CSMD1: variants seen among roughly 807,000 people sequenced by gnomAD.
CSMD1 encodes CUB and sushi domain-containing protein 1.
In CSMD1, 213 loss-of-function variants were observed where a neutral mutation model predicts 417.5. The observed-to-expected ratio is 0.51, with a 90% confidence interval of 0.46 to 0.57. The LOEUF (loss-of-function observed/expected upper bound fraction) is 0.57. Ranked by LOEUF, CSMD1 falls within the 20% of genes least tolerant of loss-of-function variation. The pLI, the probability that CSMD1 is intolerant of heterozygous loss-of-function variation, is 0.00. For missense variants in CSMD1, 6,923 were observed against 4,529.7 expected (o/e 1.53, Z -15.17); for synonymous variants, 2,862 against 1,736.8 (o/e 1.65, Z -16.11).
chr8:4,800,585 G>C (rs1289448561), intron 1 of CSMD1, among the ~76,000 whole-genome samples: 1 of 152,238 alleles, frequency 6.6e-6, no homozygotes, highest in African/African-American at 2.4e-5. Context: ...CAGAGGCAGA[G>C]CAGGGAAGGA....
At chr8:4,452,582 T>A (rs1799214215) in intron 2 of CSMD1, among the ~76,000 whole-genome samples, 1 of 152,144 alleles carries the variant, frequency 6.6e-6, no homozygotes, top group Non-Finnish European at 1.5e-5. Context: ...ATATTAAACA[T>A]CAGAAAACCG....
chr8:3,062,899 C>A (rs942908061), intron 49 of CSMD1, among the ~76,000 whole-genome samples: 1 of 152,072 alleles, frequency 6.6e-6, no homozygotes, highest in African/African-American at 2.4e-5. Flanking sequence ...TCAAAAGAGA[C>A]AGGTACAAAC....
At chr8:3,103,334 A>T (rs1815893834) in intron 46 of CSMD1, among the ~76,000 whole-genome samples, 1 of 152,120 alleles carries the variant, frequency 6.6e-6, no homozygotes, top group Non-Finnish European at 1.5e-5. Context: ...CCCCACCTTC[A>T]GTTTGGTCCA....
chr8:4,053,533 T>C (rs1798541482), intron 3 of CSMD1, among the ~76,000 whole-genome samples: 1 of 152,164 alleles, frequency 6.6e-6, no homozygotes. Flanking sequence ...ACTTTTGTTA[T>C]CTCAAGTGGT....
At chr8:4,111,075 G>A (rs1320473331) in intron 3 of CSMD1, among the ~76,000 whole-genome samples, 1 of 152,122 alleles carries the variant, frequency 6.6e-6, no homozygotes, top group Non-Finnish European at 1.5e-5. Context: ...GAAAAATCTG[G>A]TAGAAATCTA....
chr8:3,039,341 T>C (rs1416626385), intron 50 of CSMD1, among the ~76,000 whole-genome samples: 268 of 149,440 alleles, frequency 1.8e-3, no homozygotes, highest in African/African-American at 6.4e-3. Context: ...CTTTCTTCCT[T>C]TCCGCCTTCC....
intron 1 of CSMD1, among the ~76,000 whole-genome samples, chr8:4,802,627 T>G (rs182410895): frequency 6.6e-6 from 1 of 152,344 alleles, no homozygotes; most frequent in East Asian, 1.9e-4. Flanking sequence ...GTATCCTGTC[T>G]GTTTCTAGGC....
rs115529347 is a variant in CSMD1, at chr8:4,599,576, G to A, written c.302+37766C>T. On this transcript the variant is annotated intron_variant, in intron 2 of 69. Coordinates refer to ENST00000635120, the MANE Select transcript of CSMD1 (RefSeq NM_033225.6). ...AAAAAAAATCTCATTGATAAGTTAC[G>A]TCAACGAATATAAATGTATACTGTA... 5.6e-3 allele frequency among the ~76,000 whole-genome samples: 850 copies of A among 151,572 alleles called. 6 individuals carry two copies. Among genetic ancestry groups the A allele is most frequent in the African/African-American group, 0.02 (814 of 41,318 alleles).
At chr8:3,601,402 T>A (rs759256424) in intron 8 of CSMD1, among the ~76,000 whole-genome samples, 3 of 152,208 alleles carry the variant, frequency 2.0e-5, no homozygotes, top group Non-Finnish European at 2.9e-5. Flanking sequence ...TATCAGACGA[T>A]GTTTATGCTA....
intron 1 of CSMD1, among the ~76,000 whole-genome samples, chr8:4,965,394 G>A (rs1295620748): frequency 6.6e-6 from 1 of 152,164 alleles, no homozygotes; most frequent in Non-Finnish European, 1.5e-5. Flanking sequence ...TGAATATTTT[G>A]ATTGACCACT....
chr8:4,453,922 C>G (rs553736180), intron 2 of CSMD1, among the ~76,000 whole-genome samples: 30 of 145,728 alleles, frequency 2.1e-4, no homozygotes, highest in African/African-American at 7.4e-4. Flanking sequence ...CCCAGGTTCA[C>G]AGCATTCTCC....
chr8:3,635,589 T>C (rs868003020), intron 7 of CSMD1, among the ~76,000 whole-genome samples: 14 of 150,566 alleles, frequency 9.3e-5, no homozygotes, highest in African/African-American at 2.7e-4. Flanking sequence ...GTTCACGCCA[T>C]TCTCCTGCGT....
At chr8:4,872,521 C>T (rs945852599) in intron 1 of CSMD1, among the ~76,000 whole-genome samples, 2 of 152,034 alleles carry the variant, frequency 1.3e-5, no homozygotes, top group Admixed American at 6.6e-5. Flanking sequence ...TTTCACCTTC[C>T]ACCATCATTG....
chr8:3,665,534 T>C (rs933343559), intron 7 of CSMD1, among the ~76,000 whole-genome samples: 1 of 151,990 alleles, frequency 6.6e-6, no homozygotes, highest in African/African-American at 2.4e-5. Context: ...ATCTCAAAGA[T>C]ATATATATTT....
intron 2 of CSMD1, among the ~76,000 whole-genome samples, chr8:4,511,325 G>A (rs753821496): frequency 2.4e-4 from 36 of 152,210 alleles, no homozygotes; most frequent in Non-Finnish European, 3.5e-4. Flanking sequence ...CTCATAGACA[G>A]CACAGGAAAG....
At chr8:4,145,531 A>T (rs1294554564) in intron 3 of CSMD1, among the ~76,000 whole-genome samples, 1 of 150,946 alleles carries the variant, frequency 6.6e-6, no homozygotes, top group African/African-American at 2.5e-5. Context: ...CTTGAATCCC[A>T]TTCAGAATTT....
intron 3 of CSMD1, among the ~76,000 whole-genome samples, chr8:4,209,476 G>T (rs371470680): frequency 2.0e-5 from 3 of 152,096 alleles, no homozygotes; most frequent in East Asian, 1.9e-4. Context: ...GCTAGTTCCC[G>T]AACACTTCCC....
In CSMD1 at chr8:3,459,331, C is replaced by T. The variant is rs535685114; in HGVS notation, c.1561+9381G>A. Among the ~76,000 whole-genome samples the T allele has an allele frequency of 1.3e-4, 20 of 152,270 alleles. No individual in the cohort carries two copies. In the South Asian group the frequency reaches 3.9e-3, roughly 30 times the overall value. On this transcript the variant is annotated intron_variant, in intron 12 of 69. Transcript: ENST00000635120. Reference sequence around the variant, plus strand: ...CCTCACCCTGCTGGCTGACGTGGGGCACAGGGTACACAACACAGCGGCCGT... The same window carrying T: ...CCTCACCCTGCTGGCTGACGTGGGGTACAGGGTACACAACACAGCGGCCGT...
chr8:3,644,229 A>C (rs180853688), intron 7 of CSMD1, among the ~76,000 whole-genome samples: 11 of 152,348 alleles, frequency 7.2e-5, no homozygotes, highest in African/African-American at 2.4e-4. Flanking sequence ...TAAACTCCCC[A>C]GGTCGTTGAG....
Sources: allele counts gnomAD v4.1 joint callset (sites outside exome capture counted in the v4.1 genomes callset), GRCh38; gene constraint gnomAD v4.1.1; transcripts MANE v1.5; gene names NCBI Gene and HGNC (gene_info 2026-07-23, HGNC 2026-07-21).